Variants in HOMER2 observed in about 807,000 individuals in gnomAD.
HOMER2 encodes the protein homer scaffold protein 2.
HOMER2 carries 27 observed loss-of-function variants against 47.0 expected under a neutral mutation model. The observed-to-expected ratio is 0.57, with a 90% CI of 0.42 to 0.79. The LOEUF is 0.79. HOMER2 is among the 30% of genes least tolerant of loss of function. The probability of loss-of-function intolerance (pLI) is 0.00; values close to 1 mark genes in which losing one functional copy is unlikely to be tolerated. For missense variants in HOMER2, 443 were observed against 435.0 expected, an observed-to-expected ratio of 1.02 and a Z score of -0.16; for synonymous variants, 161 against 163.8, an observed-to-expected ratio of 0.98 and a Z score of 0.13.
intron 2 of HOMER2, among the ~76,000 whole-genome samples, chr15:82,890,718 A>G (rs990837792): frequency 6.6e-6 from 1 of 152,218 alleles, no homozygotes; most frequent in African/African-American, 2.4e-5. Flanking sequence ...CGTTTTATCT[A>G]TATTTAAGCC....
intron 3 of HOMER2, among the ~76,000 whole-genome samples, chr15:82,866,960 TTAG>T (rs1263238614): frequency 1.3e-5 from 2 of 152,198 alleles, no homozygotes; most frequent in Admixed American, 6.5e-5. Flanking sequence ...AGGTGTGGTA[TTAG>T]TAGATGCATG....
chr15:82,852,353 C>A (rs762808426), intron 6 of HOMER2, 101 bp from the exon 7 acceptor site: 1 of 791,436 alleles, frequency 1.3e-6, no homozygotes, highest in Non-Finnish European at 2.0e-6. Context: ...TTAAAATAAA[C>A]CCTAAACTAA....
intron 1 of HOMER2, among the ~76,000 whole-genome samples, chr15:82,906,880 A>C (rs1357720217): frequency 6.6e-6 from 1 of 152,242 alleles, no homozygotes; most frequent in Non-Finnish European, 1.5e-5. Context: ...GGAAAGTTAT[A>C]AGAGAGAAAG....
At chr15:82,880,898 C>G (rs575680800) in intron 2 of HOMER2, among the ~76,000 whole-genome samples, 1 of 152,228 alleles carries the variant, frequency 6.6e-6, no homozygotes, top group Admixed American at 6.5e-5. Context: ...GGCCAGCAAC[C>G]AAGGAAGAAT....
intron 3 of HOMER2, among the ~76,000 whole-genome samples, chr15:82,868,541 A>ATATTTTTTTTTTTTTTT: frequency 1.4e-5 from 1 of 71,290 alleles, no homozygotes; most frequent in Non-Finnish European, 2.8e-5. Context: ...ATATATATAT[A>ATATTTTTTTTTTTTTTT]TTTTTTTTTT....
intron 2 of HOMER2, among the ~76,000 whole-genome samples, chr15:82,882,881 C>CTTTTTTTTTTT (rs757073475): frequency 6.7e-4 from 18 of 27,044 alleles, no homozygotes; most frequent in South Asian, 1.6e-3. Context: ...CCAGCCACTG[C>CTTTTTTTTTTT]TTTTTTTTTT....
exon 2 of HOMER2, chr15:82,840,916 TG>T (rs1254239529): frequency 1.3e-5 from 2 of 151,968 alleles, no homozygotes; most frequent in African/African-American, 4.8e-5. Context: ...AATATTTAAA[TG>T]TTTCCAGGGC....
chr15:82,898,949 T>C (rs114107441), intron 1 of HOMER2, among the ~76,000 whole-genome samples: 2,046 of 152,352 alleles, frequency 0.013, 54 homozygotes, highest in African/African-American at 0.048. Context: ...TCTTGTAAGG[T>C]ACCCTAATTA....
upstream of HOMER2, among the ~76,000 whole-genome samples, chr15:82,956,178 T>G (rs2054585635): frequency 6.7e-6 from 1 of 149,412 alleles, no homozygotes. Context: ...AGGCAGAGGT[T>G]GCAGTGAGCT....
chr15:82,902,979 A>T (rs1217539200), intron 1 of HOMER2, among the ~76,000 whole-genome samples: 1 of 152,244 alleles, frequency 6.6e-6, no homozygotes, highest in South Asian at 2.1e-4. Flanking sequence ...AGAGTCTGTT[A>T]TATTTTATGA....
chr15:82,890,836 C>T (rs2052681000), intron 2 of HOMER2, among the ~76,000 whole-genome samples: 1 of 152,156 alleles, frequency 6.6e-6, no homozygotes, highest in Non-Finnish European at 1.5e-5. Context: ...CTTGATTCAC[C>T]ACTGCTGTCA....
intron 1 of HOMER2, chr15:82,985,684 A>G (rs1205012460): frequency 6.6e-6 from 1 of 152,276 alleles, no homozygotes; most frequent in Non-Finnish European, 1.5e-5. Context: ...AGACATGGGC[A>G]AGACTCTTGG....
intron 1 of HOMER2, among the ~76,000 whole-genome samples, chr15:82,943,668 C>T (rs1680283501): frequency 6.6e-6 from 1 of 152,260 alleles, no homozygotes; most frequent in Non-Finnish European, 1.5e-5. Context: ...ATTCCTCACT[C>T]ATCAGGTCCC....
intron 1 of HOMER2, among the ~76,000 whole-genome samples, chr15:82,951,566 C>T (rs1280050720): frequency 3.3e-5 from 5 of 152,242 alleles, no homozygotes; most frequent in African/African-American, 1.2e-4. Flanking sequence ...CATTTGAGTC[C>T]TGCGAAGGGC....
chr15:82,849,612 G>T lies in HOMER2; in HGVS notation c.*103C>A. On this transcript the variant is annotated 3_prime_UTR_variant, in exon 9 of 9. Coordinates refer to ENST00000450735, the MANE Select transcript of HOMER2 (RefSeq NM_004839.4). ...CTGGTTTGGAAACACGACAAACTGC[G>T]CCTGCATTTACAGAAGCAATGCACA... 1.0e-6 allele frequency: 1 copy of T among 965,692 alleles called. No homozygotes were observed. The allele number at this position is 965,692 out of a possible 1,614,324, so 59.8% of individuals were successfully genotyped here. A position where few individuals can be genotyped will look rare whatever the true frequency, so the allele number is the denominator to read the frequency against.
intron 1 of HOMER2, among the ~76,000 whole-genome samples, chr15:82,942,517 C>T (rs1002156490): frequency 1.3e-5 from 2 of 152,172 alleles, no homozygotes; most frequent in Non-Finnish European, 2.9e-5. Flanking sequence ...CTCCACTAGC[C>T]TGTAAGCATC....
At chr15:82,975,818 A>G (rs1258901114) in intron 1 of HOMER2, among the ~76,000 whole-genome samples, 1 of 152,214 alleles carries the variant, frequency 6.6e-6, no homozygotes. Flanking sequence ...ACTACAGTAA[A>G]TAATAACTTA....
At chr15:82,852,909 T>A (rs2051444932) in intron 6 of HOMER2, 2 of 152,410 alleles carry the variant, frequency 1.3e-5, no homozygotes, top group African/African-American at 4.8e-5. Flanking sequence ...AACAGTTACC[T>A]GTGTGGAACA....
intron 1 of HOMER2, among the ~76,000 whole-genome samples, chr15:82,929,099 T>G (rs2053937363): frequency 6.6e-6 from 1 of 152,104 alleles, no homozygotes; most frequent in African/African-American, 2.4e-5. Flanking sequence ...ACAACCCTGC[T>G]GTGTGTCAAG....
Sources: allele counts gnomAD v4.1 joint callset (sites outside exome capture counted in the v4.1 genomes callset), GRCh38; gene constraint gnomAD v4.1.1; transcripts MANE v1.5; gene names NCBI Gene and HGNC (gene_info 2026-07-23, HGNC 2026-07-21).